Variants in SEZ6L observed in about 807,000 individuals in gnomAD.
SEZ6L encodes the protein seizure related 6 homolog like, also known as seizure 6-like protein.
Under a neutral mutation model 106.2 loss-of-function variants are expected in SEZ6L, and 37 were observed. The ratio of observed to expected loss-of-function variants is 0.35; its 90% CI spans 0.27 to 0.46. SEZ6L has a LOEUF of 0.46. Ranked by LOEUF, SEZ6L falls within the 20% of genes least tolerant of loss-of-function variation. The pLI is 1.00. For missense variants in SEZ6L, 1,172 were observed against 1,332.8 expected (o/e 0.88, Z 1.88); for synonymous variants, 541 against 570.4 (o/e 0.95, Z 0.73).
intron 1 of SEZ6L, among the ~76,000 whole-genome samples, chr22:26,229,048 A>G (rs1169449909): frequency 6.6e-6 from 1 of 152,112 alleles, no homozygotes; most frequent in Non-Finnish European, 1.5e-5. Flanking sequence ...ACTAGGCTGG[A>G]CCGTGTGGCA....
intron 12 of SEZ6L, among the ~76,000 whole-genome samples, chr22:26,362,641 T>C (rs1240452625): frequency 6.6e-6 from 1 of 152,228 alleles, no homozygotes; most frequent in Non-Finnish European, 1.5e-5. Flanking sequence ...TTGCTGGGCA[T>C]GAAGTAAGCA....
chr22:26,214,785 A>G (rs2078253119), intron 1 of SEZ6L, among the ~76,000 whole-genome samples: 1 of 152,182 alleles, frequency 6.6e-6, no homozygotes, highest in African/African-American at 2.4e-5. Flanking sequence ...AAAAGTAGAA[A>G]ACACAGAATT....
At chr22:26,193,901 A>T (rs1330632765) in intron 1 of SEZ6L, among the ~76,000 whole-genome samples, 2 of 152,210 alleles carry the variant, frequency 1.3e-5, no homozygotes, top group Non-Finnish European at 2.9e-5. Context: ...GTTAACCAGA[A>T]TGGAATCACT....
At chr22:26,362,755 C>A (rs1199046298) in intron 12 of SEZ6L, among the ~76,000 whole-genome samples, 1 of 152,202 alleles carries the variant, frequency 6.6e-6, no homozygotes, top group Non-Finnish European at 1.5e-5. Context: ...GAAGTCTCTT[C>A]CCACAGGCTG....
chr22:26,281,087 G>T (rs909082558), intron 1 of SEZ6L, among the ~76,000 whole-genome samples: 1 of 152,136 alleles, frequency 6.6e-6, no homozygotes, highest in Non-Finnish European at 1.5e-5. Flanking sequence ...ATTGAGAGGT[G>T]GTGACTCAAA....
intron 9 of SEZ6L, among the ~76,000 whole-genome samples, chr22:26,317,705 T>A (rs1699405355): frequency 6.6e-6 from 1 of 152,090 alleles, no homozygotes; most frequent in African/African-American, 2.4e-5. Flanking sequence ...GGCATTAGCA[T>A]CAGGAAGGGA....
intron 6 of SEZ6L, 27 bp from the exon 7 acceptor site, chr22:26,310,643 G>A (rs1172034220): frequency 1.2e-6 from 2 of 1,613,048 alleles, no homozygotes; most frequent in Non-Finnish European, 1.7e-6. Flanking sequence ...ATCTGTCAGT[G>A]TCCCTCCTCT....
intron 12 of SEZ6L, among the ~76,000 whole-genome samples, chr22:26,361,792 C>T (rs997222245): frequency 6.6e-6 from 1 of 152,024 alleles, no homozygotes; most frequent in East Asian, 1.9e-4. Flanking sequence ...TGAACCCAAG[C>T]GCTCCTGCTC....
At chr22:26,250,926 G>A (rs2079556464) in intron 1 of SEZ6L, among the ~76,000 whole-genome samples, 1 of 152,070 alleles carries the variant, frequency 6.6e-6, no homozygotes, top group Non-Finnish European at 1.5e-5. Flanking sequence ...GGTAGCTATT[G>A]TAAATGGGAT....
chr22:26,363,623 T>G (rs1194708171), intron 12 of SEZ6L, among the ~76,000 whole-genome samples: 1 of 152,218 alleles, frequency 6.6e-6, no homozygotes, highest in Non-Finnish European at 1.5e-5. Flanking sequence ...ATGCTTGAGA[T>G]TCATCGTGCA....
intron 10 of SEZ6L, 49 bp downstream of exon 10, chr22:26,340,681 G>A: frequency 6.7e-7 from 1 of 1,490,082 alleles, no homozygotes; most frequent in Non-Finnish European, 9.1e-7. Context: ...TTTAGATACA[G>A]GTTAAGGTGG....
At chr22:26,283,369 T>C (rs980607101) in intron 1 of SEZ6L, among the ~76,000 whole-genome samples, 1 of 152,216 alleles carries the variant, frequency 6.6e-6, no homozygotes, top group Admixed American at 6.5e-5. Context: ...GTGAGGTATA[T>C]GTTTATATTT....
At position 26,364,242 on chromosome 22, in the gene SEZ6L, T is replaced by G. The variant is rs5997080; in HGVS notation, c.2600-1130T>G. ...TGTGAAGCAATTTGCTGGCTGTCCATTCCATCCAGGTGCTGAAAAAGGACT... is the reference window on the plus strand; with the variant it reads ...TGTGAAGCAATTTGCTGGCTGTCCAGTCCATCCAGGTGCTGAAAAAGGACT... On this transcript the variant is annotated intron_variant, in intron 12 of 16. Coordinates refer to ENST00000248933, the MANE Select transcript of SEZ6L (RefSeq NM_021115.5). Among the ~76,000 whole-genome samples, 1,014 of 152,238 alleles carry G rather than the reference T, an allele frequency of 6.7e-3. 8 individuals are homozygous for G. The highest frequency in any genetic ancestry group is 0.023 in the African/African-American group (968 of 41,538).
intron 9 of SEZ6L, among the ~76,000 whole-genome samples, chr22:26,337,878 G>A (rs965326602): frequency 1.3e-5 from 2 of 152,190 alleles, no homozygotes; most frequent in Admixed American, 1.3e-4. Context: ...ACTACGAGAG[G>A]TATGGTGGAA....
intron 1 of SEZ6L, among the ~76,000 whole-genome samples, chr22:26,251,865 C>T (rs971417655): frequency 2.6e-5 from 4 of 152,192 alleles, no homozygotes; most frequent in African/African-American, 7.2e-5. Context: ...GGCCACTCAT[C>T]CCCCTGGAAG....
At chr22:26,277,105 C>CT (rs137189) in intron 1 of SEZ6L, among the ~76,000 whole-genome samples, 9,975 of 143,296 alleles carry the variant, frequency 0.07, 449 homozygotes, top group African/African-American at 0.13. Context: ...AACACTGAGT[C>CT]TTTTTTTTTT....
At chr22:26,245,283 C>T (rs2145780572) in intron 1 of SEZ6L, among the ~76,000 whole-genome samples, 1 of 152,280 alleles carries the variant, frequency 6.6e-6, no homozygotes, top group East Asian at 1.9e-4. Flanking sequence ...AAGCCAGCAT[C>T]CCCGGCTGCT....
rs753589170 is a variant in SEZ6L at position 26,377,696 on chromosome 22, G to A, written c.2966G>A (p.Arg989His). ...ITRCRYYSNLRLPLMYSHPYS... is the reference protein window; with the variant it reads ...ITRCRYYSNLHLPLMYSHPYS... ...AGATGTCGCTACTATTCCAACCTCC[G>A]CCTGCCTCTGATGTACTCCCACCCC... is the stretch of plus-strand genomic sequence containing the variant. Residue 989 changes from arginine to histidine, a missense_variant, in exon 16 of 17, where the codon CGC (arginine) becomes CAC (histidine). By Grantham distance (29) the Arg-to-His change is conservative (BLOSUM62 0). Coordinates refer to ENST00000248933, the MANE Select transcript of SEZ6L (RefSeq NM_021115.5). 6.2e-6 allele frequency: 10 copies of A among 1,611,616 alleles called. No homozygotes were observed. Among genetic ancestry groups the A allele is most frequent in the African/African-American group, 2.7e-5 (2 of 74,730 alleles).
intron 1 of SEZ6L, among the ~76,000 whole-genome samples, chr22:26,266,289 G>A (rs554632107): frequency 6.6e-6 from 1 of 152,078 alleles, no homozygotes; most frequent in South Asian, 2.1e-4. Flanking sequence ...AGCTGGGCAC[G>A]GTGGCTTACG....
Sources: gnomAD v4.1 joint callset for allele counts (sites outside exome capture counted in the v4.1 genomes callset) on GRCh38, gnomAD v4.1.1 for gene constraint, MANE v1.5 for transcripts, NCBI Gene and HGNC (gene_info 2026-07-23, HGNC 2026-07-21) for gene names.